Variants in FHIT observed in about 807,000 individuals in gnomAD.
FHIT encodes the protein bis(5'-adenosyl)-triphosphatase.
A neutral mutation model predicts 17.9 loss-of-function variants in FHIT; 19 were observed. That is an observed-to-expected ratio of 1.06 (90% confidence interval 0.74 to 1.56). FHIT has a LOEUF of 1.56. Ranked by LOEUF, FHIT falls within the 40% of genes most tolerant of loss-of-function variation. The pLI, the probability that FHIT is intolerant of heterozygous loss-of-function variation, is 0.00. For synonymous variants in FHIT, 81 were observed against 69.7 expected, an observed-to-expected ratio of 1.16 and a Z score of -0.81; for missense variants, 248 against 189.2, an observed-to-expected ratio of 1.31 and a Z score of -1.82.
At chr3:60,884,088 A>G in intron 3 of FHIT, among the ~76,000 whole-genome samples, 1 of 152,202 alleles carries the variant, frequency 6.6e-6, no homozygotes, top group East Asian at 1.9e-4. Context: ...GAGACATACA[A>G]ATGGACAAGA....
At chr3:60,843,484 G>C (rs1279328606) in intron 3 of FHIT, among the ~76,000 whole-genome samples, 1 of 152,100 alleles carries the variant, frequency 6.6e-6, no homozygotes, top group Non-Finnish European at 1.5e-5. Flanking sequence ...AAAGAGCCTT[G>C]CATGTCTTGG....
intron 4 of FHIT, among the ~76,000 whole-genome samples, chr3:60,770,052 A>C (rs1273622547): frequency 2.0e-5 from 3 of 152,182 alleles, no homozygotes; most frequent in African/African-American, 7.2e-5. Flanking sequence ...CCTGCTCAGC[A>C]ATGGAGGCCA....
chr3:60,473,936 A>G (rs2107455594), intron 5 of FHIT, among the ~76,000 whole-genome samples: 1 of 152,312 alleles, frequency 6.6e-6, no homozygotes, highest in East Asian at 1.9e-4. Context: ...AAAAAAAAGA[A>G]AAAAAGAAAA....
intron 2 of FHIT, among the ~76,000 whole-genome samples, chr3:61,137,468 G>A (rs2036950444): frequency 1.3e-5 from 2 of 152,110 alleles, no homozygotes; most frequent in Admixed American, 1.3e-4. Context: ...AGCAACTTAT[G>A]CGCTTACCTC....
chr3:60,919,897 G>A (rs1575689928), intron 3 of FHIT, among the ~76,000 whole-genome samples: 1 of 152,106 alleles, frequency 6.6e-6, no homozygotes, highest in Admixed American at 6.5e-5. Flanking sequence ...AGCTAGGTGT[G>A]GTGGCATGTG....
At chr3:60,570,101 C>T (rs992551258) in intron 4 of FHIT, among the ~76,000 whole-genome samples, 17 of 152,046 alleles carry the variant, frequency 1.1e-4, no homozygotes, top group African/African-American at 3.9e-4. Context: ...GGGACACAGA[C>T]ATCAGTAGTT....
intron 2 of FHIT, among the ~76,000 whole-genome samples, chr3:61,171,003 C>A (rs1007393512): frequency 6.6e-6 from 1 of 152,124 alleles, no homozygotes; most frequent in African/African-American, 2.4e-5. Context: ...ATATTTCTGT[C>A]TTTAGGTCTT....
chr3:60,485,137 G>A (rs1012303925), intron 5 of FHIT, among the ~76,000 whole-genome samples: 4 of 151,964 alleles, frequency 2.6e-5, no homozygotes, highest in African/African-American at 9.7e-5. Flanking sequence ...GGTGAGTACT[G>A]AAAAACCAAG....
chr3:61,109,987 T>C lies in FHIT; in HGVS notation c.-163-67888A>G, dbSNP rs568588707. Among the ~76,000 whole-genome samples, 293 of 152,206 alleles carry C rather than the reference T, an allele frequency of 1.9e-3. 3 individuals carry two copies. The highest frequency in any genetic ancestry group is 6.9e-3 in the African/African-American group (285 of 41,542). ...CCTCCAAAATCAAGCCACCACCAAG[T>C]CTTGGCAAGAAGGGCTACAATAATT... is the stretch of plus-strand genomic sequence containing the variant. On this transcript the variant is annotated intron_variant, in intron 2 of 9. Transcript: ENST00000492590.
intron 7 of FHIT, among the ~76,000 whole-genome samples, chr3:59,942,931 G>A (rs1170393893): frequency 2.0e-5 from 3 of 152,070 alleles, no homozygotes; most frequent in Non-Finnish European, 4.4e-5. Context: ...TTACAAGCAT[G>A]ACCCACTGTG....
chr3:60,920,718 T>G lies in FHIT; in HGVS notation c.-110-98707A>C, dbSNP rs148951875. On this transcript the variant is annotated intron_variant, in intron 3 of 9. Transcript: ENST00000492590. ...GTGGGGAGAACTGCAGCTGGAGCGG[T>G]AGAACCTTTTCAGTCATGTTTAAAG... is the stretch of plus-strand genomic sequence containing the variant. Among the ~76,000 whole-genome samples the G allele has an allele frequency of 8.5e-5, 13 of 152,126 alleles. 1 individual carries two copies. In the East Asian group the frequency reaches 2.5e-3, roughly 29 times the overall value.
At chr3:61,035,601 T>A (rs2033201622) in intron 3 of FHIT, among the ~76,000 whole-genome samples, 1 of 152,224 alleles carries the variant, frequency 6.6e-6, no homozygotes, top group East Asian at 1.9e-4. Context: ...TGCATCTAAT[T>A]AGCTGGTAAT....
chr3:60,802,682 G>A (rs1553732674), intron 4 of FHIT, among the ~76,000 whole-genome samples: 1 of 151,938 alleles, frequency 6.6e-6, no homozygotes, highest in East Asian at 1.9e-4. Context: ...CTTTTAGGCC[G>A]AGTCTCTTAG....
At chr3:60,190,906 G>C (rs1702375115) in intron 5 of FHIT, among the ~76,000 whole-genome samples, 3 of 152,012 alleles carry the variant, frequency 2.0e-5, no homozygotes, top group Admixed American at 2.0e-4. Context: ...TTGCACCCTT[G>C]CACTCCAGCC....
At chr3:60,606,331 C>T (rs894640153) in intron 4 of FHIT, among the ~76,000 whole-genome samples, 53 of 151,802 alleles carry the variant, frequency 3.5e-4, no homozygotes, top group African/African-American at 1.2e-3. Flanking sequence ...ACCTCTGCCT[C>T]CCGGATTCAA....
chr3:60,277,816 T>C (rs1213181927), intron 5 of FHIT, among the ~76,000 whole-genome samples: 1 of 152,194 alleles, frequency 6.6e-6, no homozygotes, highest in Non-Finnish European at 1.5e-5. Flanking sequence ...TGTGTGTGTG[T>C]CCCTGTCCTT....
At chr3:60,956,885 A>T (rs1327634741) in intron 3 of FHIT, among the ~76,000 whole-genome samples, 2 of 151,172 alleles carry the variant, frequency 1.3e-5, no homozygotes, top group Non-Finnish European at 2.9e-5. Flanking sequence ...AGCGTCCTAC[A>T]AAAAATGAAT....
At chr3:59,964,848 A>G (rs1575778759) in intron 7 of FHIT, among the ~76,000 whole-genome samples, 1 of 152,186 alleles carries the variant, frequency 6.6e-6, no homozygotes, top group Admixed American at 6.5e-5. Context: ...ACAAATCAAT[A>G]TAATGCCACC....
At chr3:59,883,887 C>CA (rs148604898) in intron 8 of FHIT, among the ~76,000 whole-genome samples, 6 of 152,118 alleles carry the variant, frequency 3.9e-5, no homozygotes, top group Admixed American at 6.5e-5. Context: ...GTGAATAGTA[C>CA]AAAAAATTAA....
Sources: gnomAD v4.1 joint callset for allele counts (sites outside exome capture counted in the v4.1 genomes callset) on GRCh38, gnomAD v4.1.1 for gene constraint, MANE v1.5 for transcripts, NCBI Gene and HGNC (gene_info 2026-07-23, HGNC 2026-07-21) for gene names.